UPRT: variants seen among roughly 807,000 people sequenced by gnomAD.
The protein encoded by UPRT is uracil phosphoribosyltransferase homolog, also known as RP11-311P8.3.
In UPRT, 5 loss-of-function variants were observed where a neutral mutation model predicts 22.6. The observed-to-expected ratio is 0.22, with a 90% CI of 0.12 to 0.47. The LOEUF (loss-of-function observed/expected upper bound fraction) is 0.47. Ranked by LOEUF, UPRT falls within the 20% of genes least tolerant of loss-of-function variation. The pLI is 0.99. For missense variants in UPRT, 181 were observed against 239.9 expected, an observed-to-expected ratio of 0.75 and a Z score of 1.62; for synonymous variants, 77 against 87.7, an observed-to-expected ratio of 0.88 and a Z score of 0.68.
At chrX:75,281,744 C>A (rs2082657894) in intron 1 of UPRT, among the ~76,000 whole-genome samples, 1 of 111,356 alleles carries the variant, frequency 9.0e-6, no homozygotes, top group Non-Finnish European at 1.9e-5. Flanking sequence ...TCATATCCTT[C>A]CCTGGTTTTG....
chrX:75,243,741 A>T (rs1434780650), intron 4 of UPRT, among the ~76,000 whole-genome samples: 1 of 112,072 alleles, frequency 8.9e-6, no homozygotes, highest in Non-Finnish European at 1.9e-5. Flanking sequence ...TGGCATTGAG[A>T]ATAAGGCTAC....
chrX:75,234,032 A>C (rs966258378), intron 4 of UPRT, among the ~76,000 whole-genome samples: 1 of 111,305 alleles, frequency 9.0e-6, no homozygotes, highest in Non-Finnish European at 1.9e-5. Context: ...TGCTGTATTC[A>C]GGAAACCCAT....
intron 1 of UPRT, among the ~76,000 whole-genome samples, chrX:75,289,425 T>A (rs758259618): frequency 1.2e-5 from 1 of 84,562 alleles, no homozygotes; most frequent in Admixed American, 1.6e-4. Context: ...ACTACCAACA[T>A]TATTTTGCTC....
chrX:75,241,135 A>G (rs774532495), intron 4 of UPRT, among the ~76,000 whole-genome samples: 29 of 111,574 alleles, frequency 2.6e-4, no homozygotes, highest in Admixed American at 2.5e-3. Context: ...GAGTTAACAG[A>G]CAACCCACAG....
At chrX:75,176,491 C>G (rs2082247126) in intron 4 of UPRT, among the ~76,000 whole-genome samples, 1 of 111,708 alleles carries the variant, frequency 9.0e-6, no homozygotes, top group East Asian at 2.8e-4. Flanking sequence ...CTGAAAACTT[C>G]CCCAGGTCTG....
chrX:75,165,038 C>A (rs2082209357), intron 3 of UPRT, among the ~76,000 whole-genome samples: 2 of 106,810 alleles, frequency 1.9e-5, no homozygotes, highest in South Asian at 7.8e-4. Context: ...GCAAGATCAA[C>A]TTAATCCTTT....
intron 4 of UPRT, among the ~76,000 whole-genome samples, chrX:75,234,063 T>G (rs1029152426): frequency 2.7e-5 from 3 of 110,186 alleles, no homozygotes; most frequent in African/African-American, 9.9e-5. Context: ...GAGACACACA[T>G]AGGCTCAAAA....
intron 4 of UPRT, among the ~76,000 whole-genome samples, chrX:75,241,184 G>A (rs2082487249): frequency 9.0e-6 from 1 of 110,669 alleles, no homozygotes; most frequent in Non-Finnish European, 1.9e-5. Context: ...ATCCAACAAA[G>A]GACTAATATC....
chrX:75,295,401 C>T (rs2082722543), intron 2 of UPRT, among the ~76,000 whole-genome samples: 1 of 110,673 alleles, frequency 9.0e-6, no homozygotes, highest in Non-Finnish European at 1.9e-5. Context: ...TTGTAATTTG[C>T]TCATAAAAAA....
intron 4 of UPRT, among the ~76,000 whole-genome samples, chrX:75,240,787 T>C (rs910399436): frequency 2.1e-4 from 23 of 110,952 alleles, no homozygotes; most frequent in African/African-American, 7.5e-4. Flanking sequence ...ATACTTAACA[T>C]CAACTCATAT....
chrX:75,246,280 G>T (rs1287897443), intron 4 of UPRT, among the ~76,000 whole-genome samples: 2 of 83,145 alleles, frequency 2.4e-5, no homozygotes, highest in African/African-American at 9.6e-5. Flanking sequence ...ACAGGCCTCG[G>T]TGTGTGATGT....
chrX:75,258,503 C>T (rs184959998), intron 4 of UPRT, among the ~76,000 whole-genome samples: 4 of 111,341 alleles, frequency 3.6e-5, no homozygotes, highest in East Asian at 2.9e-4. Flanking sequence ...AACAAAGCCA[C>T]GAGGAAGTTC....
intron 4 of UPRT, chrX:75,201,875 C>T (rs2082348122): frequency 8.9e-6 from 1 of 112,311 alleles, no homozygotes; most frequent in Non-Finnish European, 1.9e-5. Flanking sequence ...CTGGGAACAA[C>T]TCTTCTCCTA....
chrX:75,284,564 C>T (rs1186286464), intron 1 of UPRT, among the ~76,000 whole-genome samples: 2 of 111,321 alleles, frequency 1.8e-5, no homozygotes, highest in Non-Finnish European at 3.8e-5. Flanking sequence ...ATTGTTGTCT[C>T]TCTTCTGGAT....
chrX:75,222,760 G>T (rs1377820458), intron 4 of UPRT, among the ~76,000 whole-genome samples: 1 of 110,642 alleles, frequency 9.0e-6, no homozygotes, highest in Non-Finnish European at 1.9e-5. Context: ...CCCAATGCAG[G>T]TCCAGAAATG....
intron 4 of UPRT, among the ~76,000 whole-genome samples, chrX:75,210,444 G>C (rs2147627718): frequency 9.0e-6 from 1 of 111,045 alleles, no homozygotes; most frequent in Non-Finnish European, 1.9e-5. Flanking sequence ...GATGGGAGAG[G>C]ATGGCTAGGG....
intron 4 of UPRT, among the ~76,000 whole-genome samples, chrX:75,220,756 T>G (rs1471301755): frequency 1.8e-5 from 2 of 111,945 alleles, no homozygotes; most frequent in Admixed American, 1.9e-4. Flanking sequence ...TTTTTTCTAT[T>G]TATGTCTTAT....
intron 4 of UPRT, among the ~76,000 whole-genome samples, chrX:75,219,719 A>C (rs766290456): frequency 1.7e-3 from 185 of 111,206 alleles, no homozygotes; most frequent in Non-Finnish European, 2.7e-3. Flanking sequence ...CAGATATATA[A>C]AGCCATTATT....
intron 4 of UPRT, among the ~76,000 whole-genome samples, chrX:75,180,424 G>A (rs908436289): frequency 8.9e-6 from 1 of 111,962 alleles, no homozygotes; most frequent in Non-Finnish European, 1.9e-5. Context: ...GTGAAGGTGT[G>A]TATTTGAGGG....
Sources: gnomAD v4.1 joint callset for allele counts (sites outside exome capture counted in the v4.1 genomes callset) on GRCh38, gnomAD v4.1.1 for gene constraint, MANE v1.5 for transcripts, NCBI Gene and HGNC (gene_info 2026-07-23, HGNC 2026-07-21) for gene names.